Variants in CTIF observed in about 807,000 individuals in gnomAD.
The protein encoded by CTIF is cap binding complex dependent translation initiation factor, also known as CBP80/20-dependent translation initiation factor.
A neutral mutation model predicts 66.0 loss-of-function variants in CTIF; 21 were observed. The observed-to-expected ratio is 0.32, with a 90% CI of 0.23 to 0.46. The LOEUF (loss-of-function observed/expected upper bound fraction) is 0.46. Ranked by LOEUF, CTIF falls within the 20% of genes least tolerant of loss-of-function variation. The pLI, the probability that CTIF is intolerant of heterozygous loss-of-function variation, is 1.00. For missense variants in CTIF, 739 were observed against 812.7 expected (o/e 0.91, Z 1.10); for synonymous variants, 345 against 326.4 (o/e 1.06, Z -0.62).
intron 1 of CTIF, among the ~76,000 whole-genome samples, chr18:48,547,769 TCA>T (rs2088786575): frequency 6.6e-6 from 1 of 152,140 alleles, no homozygotes; most frequent in Admixed American, 6.5e-5. Context: ...CTAACTTACT[TCA>T]CACAGAGGCA....
chr18:48,756,719 G>C (rs1431889850), intron 7 of CTIF, among the ~76,000 whole-genome samples: 2 of 152,228 alleles, frequency 1.3e-5, no homozygotes, highest in Non-Finnish European at 2.9e-5. Flanking sequence ...TTCAGTGGCA[G>C]GAAGCAGCCT....
chr18:48,654,472 T>C (rs1437843867), intron 3 of CTIF, among the ~76,000 whole-genome samples: 1 of 152,068 alleles, frequency 6.6e-6, no homozygotes, highest in Non-Finnish European at 1.5e-5. Context: ...AGTCAGGAAA[T>C]AACAGATGCT....
At chr18:48,625,488 C>T (rs550217197) in intron 2 of CTIF, among the ~76,000 whole-genome samples, 1 of 152,312 alleles carries the variant, frequency 6.6e-6, no homozygotes, top group East Asian at 1.9e-4. Flanking sequence ...TGTGCTACCA[C>T]CTCATTCTGC....
rs1235860963 is a variant in CTIF, at chr18:48,594,088, C to A, written c.-28-25450C>A. Among the ~76,000 whole-genome samples, 10 of 151,204 alleles carry A rather than the reference C, an allele frequency of 6.6e-5. No individual in the cohort carries two copies. In the East Asian group the frequency reaches 7.9e-4, roughly 12 times the overall value. ...CCCCCTCCTATCTGCCCCCTTCCCC[C>A]ACTCCTGCAATGTGCAGCAGACAGT... On this transcript the variant is annotated intron_variant, in intron 1 of 11. Transcript: ENST00000256413.
At chr18:48,742,565 A>G (rs573565456) in intron 7 of CTIF, among the ~76,000 whole-genome samples, 3 of 152,214 alleles carry the variant, frequency 2.0e-5, no homozygotes, top group Non-Finnish European at 4.4e-5. Flanking sequence ...CACTGCTGCC[A>G]TTTCCCGAGT....
intron 3 of CTIF, chr18:48,661,987 G>A (rs1029482806): frequency 6.6e-6 from 1 of 152,254 alleles, no homozygotes; most frequent in African/African-American, 2.4e-5. Flanking sequence ...TGCCATCAAG[G>A]GCCCGCTATC....
chr18:48,763,220 T>C (rs1345902681), intron 9 of CTIF, among the ~76,000 whole-genome samples: 1 of 151,738 alleles, frequency 6.6e-6, no homozygotes, highest in African/African-American at 2.4e-5. Context: ...GGGGCAAGAG[T>C]TCTAGACAGT....
intron 1 of CTIF, among the ~76,000 whole-genome samples, chr18:48,582,574 C>A (rs565090601): frequency 2.2e-4 from 34 of 152,152 alleles, no homozygotes; most frequent in African/African-American, 8.2e-4. Flanking sequence ...CACTGACCTT[C>A]CCCCTATGTG....
intron 10 of CTIF, among the ~76,000 whole-genome samples, chr18:48,822,412 CCT>C (rs1325929990): frequency 3.3e-5 from 5 of 151,852 alleles, no homozygotes; most frequent in Admixed American, 6.6e-5. Context: ...CCATAGTCAC[CCT>C]ACTGTGCTAT....
chr18:48,824,973 G>A (rs1171734106), intron 10 of CTIF, among the ~76,000 whole-genome samples: 2 of 152,050 alleles, frequency 1.3e-5, no homozygotes, highest in East Asian at 1.9e-4. Context: ...AGTTCCATGC[G>A]CCTGTTTTCC....
intron 9 of CTIF, among the ~76,000 whole-genome samples, chr18:48,774,966 T>TA (rs33980107): frequency 7.3e-5 from 11 of 150,606 alleles, no homozygotes; most frequent in Admixed American, 4.0e-4. Context: ...TTCTGAGTAT[T>TA]AAAAAAAAAA....
At position 48,671,609 on chromosome 18, in the gene CTIF, CTTGGTGTGGT is replaced by C. The variant is rs111344119; in HGVS notation, c.507+866_507+875del. On this transcript the variant is annotated intron_variant, in intron 6 of 11. Transcript: ENST00000256413. ...CCTCATCTATTTGATTATGATGTGCCTTGGTGTGGTGGTTTTCTTCATGTTTCTCCCACTT... is the reference window on the plus strand; with the variant it reads ...CCTCATCTATTTGATTATGATGTGCCGGTTTTCTTCATGTTTCTCCCACTT... Among the ~76,000 whole-genome samples the C allele has an allele frequency of 3.4e-3, 517 of 151,686 alleles. 6 individuals carry two copies. Among genetic ancestry groups the C allele is most frequent in the African/African-American group, 0.012 (500 of 41,072 alleles).
intron 5 of CTIF, 86 bp from the exon 6 acceptor site, chr18:48,670,583 A>G: frequency 8.1e-7 from 1 of 1,234,500 alleles, no homozygotes; most frequent in African/African-American, 1.5e-5. Context: ...GTATCTGCTG[A>G]CTGTCCCTCC....
At chr18:48,622,741 G>A (rs771702767) in intron 2 of CTIF, among the ~76,000 whole-genome samples, 14 of 152,156 alleles carry the variant, frequency 9.2e-5, no homozygotes, top group Non-Finnish European at 1.6e-4. Flanking sequence ...TCTAGGGCAG[G>A]AACTAAGTGA....
chr18:48,637,591 T>G (rs906349078), intron 3 of CTIF, among the ~76,000 whole-genome samples: 3 of 152,154 alleles, frequency 2.0e-5, no homozygotes, highest in Non-Finnish European at 4.4e-5. Flanking sequence ...CACTTAATCA[T>G]GTTCAGCTTC....
In CTIF at chr18:48,859,398, C is replaced by T; in HGVS notation, c.1636C>T (p.Leu546Phe). 6.2e-7 allele frequency: 1 copy of T among 1,614,134 alleles called. No homozygotes were observed. Among genetic ancestry groups the T allele is most frequent in the Middle Eastern group, 1.6e-4 (1 of 6,062 alleles). The part of the protein sequence containing the change: ...EEQLPEMMTE[L>F]LASARDKMLC... Reference sequence around the variant, plus strand: ...ACAGCTGCCTGAGATGATGACAGAGCTCCTGGCCAGCGCACGGGACAAGAT... The same window carrying T: ...ACAGCTGCCTGAGATGATGACAGAGTTCCTGGCCAGCGCACGGGACAAGAT... The change falls in exon 12 of 12, where the codon CTC becomes TTC. Residue 546 changes from leucine (L) to phenylalanine (F), a missense_variant. Physicochemically the swap from Leu to Phe is conservative, Grantham distance 22 (BLOSUM62 0). This residue lies in a region of CTIF where 210 missense variants were observed against 292.3 expected (regional missense o/e 0.72). Transcript: ENST00000256413.
intron 5 of CTIF, 74 bp from the exon 6 acceptor site, chr18:48,670,595 C>A: frequency 7.3e-7 from 1 of 1,367,688 alleles, no homozygotes; most frequent in Non-Finnish European, 1.0e-6. Flanking sequence ...TGTCCCTCCT[C>A]TCCTGCTGGC....
intron 7 of CTIF, among the ~76,000 whole-genome samples, chr18:48,712,610 C>T (rs1461098272): frequency 6.6e-6 from 1 of 152,230 alleles, no homozygotes; most frequent in Non-Finnish European, 1.5e-5. Flanking sequence ...GGAATATATT[C>T]TTAGATAAAG....
intron 2 of CTIF, among the ~76,000 whole-genome samples, chr18:48,630,814 T>C (rs545465703): frequency 6.6e-6 from 1 of 152,270 alleles, no homozygotes; most frequent in African/African-American, 2.4e-5. Flanking sequence ...TAGCTGGGAC[T>C]ACAGGTGCCT....
Sources: gnomAD v4.1 joint callset for allele counts (sites outside exome capture counted in the v4.1 genomes callset) on GRCh38, gnomAD v4.1.1 for gene constraint, gnomAD v4.1.1 regional missense constraint, MANE v1.5 for transcripts, NCBI Gene and HGNC (gene_info 2026-07-23, HGNC 2026-07-21) for gene names.